The following ST6GALNAC5 variants were observed in gnomAD, a reference collection of about 807,000 sequenced individuals.
The protein encoded by ST6GALNAC5 is alpha-N-acetylgalactosaminide alpha-2,6-sialyltransferase 5.
A neutral mutation model predicts 33.6 loss-of-function variants in ST6GALNAC5; 27 were observed. The observed-to-expected ratio is 0.80, with a 90% confidence interval of 0.59 to 1.11. The LOEUF is 1.11. Ranked by LOEUF, ST6GALNAC5 falls within the 50% of genes least tolerant of loss-of-function variation. ST6GALNAC5 has a pLI of 0.00. For synonymous variants in ST6GALNAC5, 194 were observed against 171.2 expected (o/e 1.13, Z -1.04); for missense variants, 428 against 454.0 (o/e 0.94, Z 0.52).
intron 2 of ST6GALNAC5, among the ~76,000 whole-genome samples, chr1:76,983,041 C>T (rs1649322675): frequency 6.6e-6 from 1 of 152,028 alleles, no homozygotes; most frequent in African/African-American, 2.4e-5. Context: ...CAACCAGTAC[C>T]AGCCACTGCA....
rs78719560 is a variant in ST6GALNAC5, at chr1:76,976,882, G to A, written c.262-67322G>A. Among the ~76,000 whole-genome samples the A allele has an allele frequency of 4.7e-3, 710 of 151,710 alleles. 3 individuals carry two copies. Among genetic ancestry groups the A allele is most frequent in the Non-Finnish European group, 7.6e-3 (515 of 67,916 alleles). ...TCTTTATAAATTTATCTGATGATTC[G>A]TCTAATTCAATCCTTCTCAAACTTT... On this transcript the variant is annotated intron_variant, in intron 2 of 4. Transcript: ENST00000477717.
At chr1:77,055,754 G>A (rs1315640113) in intron 4 of ST6GALNAC5, among the ~76,000 whole-genome samples, 4 of 152,106 alleles carry the variant, frequency 2.6e-5, no homozygotes, top group Non-Finnish European at 5.9e-5. Context: ...TCACTGATTG[G>A]TTTGTCCATC....
chr1:77,000,032 T>C (rs1390296973), intron 2 of ST6GALNAC5, among the ~76,000 whole-genome samples: 1 of 87,578 alleles, frequency 1.1e-5, no homozygotes, highest in Non-Finnish European at 2.7e-5. Context: ...GGTCAAATGG[T>C]ATTTCTAGTT....
intron 2 of ST6GALNAC5, among the ~76,000 whole-genome samples, chr1:76,981,932 A>G (rs754067615): frequency 1.3e-5 from 2 of 152,240 alleles, no homozygotes; most frequent in African/African-American, 2.4e-5. Context: ...GACCGTTAGA[A>G]GGAAAACTAA....
intron 2 of ST6GALNAC5, among the ~76,000 whole-genome samples, chr1:76,985,574 G>C (rs891225982): frequency 6.6e-6 from 1 of 152,260 alleles, no homozygotes. Flanking sequence ...TCATGAAAAT[G>C]GCCACACTGC....
intron 2 of ST6GALNAC5, among the ~76,000 whole-genome samples, chr1:76,941,958 G>A (rs1647350347): frequency 6.6e-6 from 1 of 152,136 alleles, no homozygotes; most frequent in African/African-American, 2.4e-5. Flanking sequence ...GTCTCTCAGA[G>A]TCAATTCTGA....
intron 2 of ST6GALNAC5, among the ~76,000 whole-genome samples, chr1:76,918,148 A>G (rs768855870): frequency 6.6e-6 from 1 of 152,198 alleles, no homozygotes; most frequent in Non-Finnish European, 1.5e-5. Context: ...GGTAGAAATT[A>G]CCATCTGTCT....
intron 2 of ST6GALNAC5, among the ~76,000 whole-genome samples, chr1:76,974,773 C>CTTTT (rs60357939): frequency 0.076 from 2,664 of 35,202 alleles, 630 homozygotes; most frequent in Middle Eastern, 0.14. Context: ...TTCTTTCTTT[C>CTTTT]TTTTTTTTTT....
chr1:76,913,338 G>A (rs2100284427), intron 2 of ST6GALNAC5, among the ~76,000 whole-genome samples: 1 of 151,142 alleles, frequency 6.6e-6, no homozygotes, highest in Admixed American at 6.6e-5. Context: ...CTTTCTCTCT[G>A]GCTGCCCTTA....
chr1:77,038,317 T>G (rs199693), intron 2 of ST6GALNAC5, among the ~76,000 whole-genome samples: 23,824 of 152,146 alleles, frequency 0.16, 2,405 homozygotes, highest in African/African-American at 0.28. Context: ...ATAATCAGCA[T>G]GGCTTATACC....
At position 77,063,061 on chromosome 1, in the gene ST6GALNAC5, G is replaced by A; in HGVS notation, c.866G>A (p.Gly289Glu). ...ACAATGTACCTCTCCCATGAGCGAG[G>A]ACGCAAGGGCAGTCATCACCGCTTT... is the stretch of plus-strand genomic sequence containing the variant. ...ECTMYLSHER[G>E]RKGSHHRFIT... The change falls in exon 5 of 5, where the codon GGA becomes GAA. Residue 289 changes from glycine (G) to glutamate (E), a missense_variant. Transcript: ENST00000477717. 2 of 1,613,910 alleles carry A rather than the reference G, an allele frequency of 1.2e-6. No individual in the cohort carries two copies. Among genetic ancestry groups the A allele is most frequent in the Non-Finnish European group, 1.7e-6 (2 of 1,179,908 alleles).
At chr1:77,042,823 G>A (rs1651875867) in intron 2 of ST6GALNAC5, among the ~76,000 whole-genome samples, 1 of 152,134 alleles carries the variant, frequency 6.6e-6, no homozygotes, top group Non-Finnish European at 1.5e-5. Flanking sequence ...AGTAGAATGA[G>A]GTTTTAACCT....
chr1:76,961,821 T>G (rs1648251575), intron 2 of ST6GALNAC5, among the ~76,000 whole-genome samples: 1 of 152,214 alleles, frequency 6.6e-6, no homozygotes, highest in East Asian at 1.9e-4. Flanking sequence ...GCAGTTGTAA[T>G]TTTACATCTT....
At chr1:76,871,154 G>A (rs1278967468) in intron 2 of ST6GALNAC5, 1 of 152,186 alleles carries the variant, frequency 6.6e-6, no homozygotes, top group Non-Finnish European at 1.5e-5. Context: ...TTAGAATATT[G>A]CTAGGAATTT....
At chr1:76,981,683 T>C (rs1159931487) in intron 2 of ST6GALNAC5, among the ~76,000 whole-genome samples, 1 of 152,154 alleles carries the variant, frequency 6.6e-6, no homozygotes, top group South Asian at 2.1e-4. Flanking sequence ...GACTGCCTCC[T>C]CAAGTGGGTC....
chr1:77,054,306 C>T (rs1652320551), intron 4 of ST6GALNAC5, among the ~76,000 whole-genome samples: 1 of 152,208 alleles, frequency 6.6e-6, no homozygotes, highest in South Asian at 2.1e-4. Flanking sequence ...CAGAGAAGTC[C>T]TTGCATTCCA....
At chr1:76,879,296 A>G (rs1653723359) in intron 2 of ST6GALNAC5, among the ~76,000 whole-genome samples, 1 of 152,118 alleles carries the variant, frequency 6.6e-6, no homozygotes, top group African/African-American at 2.4e-5. Flanking sequence ...ATTTCATCTA[A>G]CCAAGCAAAT....
At chr1:76,931,873 A>C (rs1276150204) in intron 2 of ST6GALNAC5, among the ~76,000 whole-genome samples, 3 of 152,138 alleles carry the variant, frequency 2.0e-5, no homozygotes, top group Non-Finnish European at 4.4e-5. Flanking sequence ...TTTAAGGATC[A>C]TGCAGAAAAA....
At chr1:76,940,535 C>A (rs865994848) in intron 2 of ST6GALNAC5, among the ~76,000 whole-genome samples, 15 of 152,034 alleles carry the variant, frequency 9.9e-5, no homozygotes, top group African/African-American at 3.6e-4. Flanking sequence ...CTAGAAGGGA[C>A]CTTAGAAATG....
Sources: gnomAD v4.1 joint callset for allele counts (sites outside exome capture counted in the v4.1 genomes callset) on GRCh38, gnomAD v4.1.1 for gene constraint, MANE v1.5 for transcripts, NCBI Gene and HGNC (gene_info 2026-07-23, HGNC 2026-07-21) for gene names.